Variants in GALNT13 observed in about 807,000 individuals in gnomAD.
GALNT13 encodes polypeptide N-acetylgalactosaminyltransferase 13.
GALNT13 carries 28 observed loss-of-function variants against 64.2 expected under a neutral mutation model. That is an observed-to-expected ratio of 0.44 (90% CI 0.32 to 0.60). The LOEUF (loss-of-function observed/expected upper bound fraction) is 0.60, where lower values mean the gene tolerates loss of function less well. Ranked by LOEUF, GALNT13 falls within the 20% of genes least tolerant of loss-of-function variation. The pLI, the probability that GALNT13 is intolerant of heterozygous loss-of-function variation, is 0.05. For missense variants in GALNT13, 577 were observed against 669.8 expected (o/e 0.86, Z 1.53); for synonymous variants, 214 against 224.6 (o/e 0.95, Z 0.42).
chr2:153,365,946 G>A, the GALNT13 span, among the ~76,000 whole-genome samples: 1,656 of 152,208 alleles, frequency 0.011, 36 homozygotes, highest in East Asian at 0.079. Flanking sequence ...GCACTCATAC[G>A]TTGATTGCAG....
At chr2:153,625,466 T>A in the GALNT13 span, among the ~76,000 whole-genome samples, 1 of 152,056 alleles carries the variant, frequency 6.6e-6, no homozygotes, top group Non-Finnish European at 1.5e-5. Flanking sequence ...GGGCTCCTAT[T>A]ATTGACAGAG....
chr2:153,431,715 A>T, the GALNT13 span, among the ~76,000 whole-genome samples: 1 of 152,186 alleles, frequency 6.6e-6, no homozygotes, highest in Non-Finnish European at 1.5e-5. Context: ...AATGATGGAG[A>T]GGGTTTGCCT....
chr2:154,003,150 A>C (rs1696026064), intron 3 of GALNT13, among the ~76,000 whole-genome samples: 1 of 152,144 alleles, frequency 6.6e-6, no homozygotes. Flanking sequence ...CAGAGCAGAT[A>C]CCAAGATTTT....
intron 2 of GALNT13, among the ~76,000 whole-genome samples, chr2:153,917,419 CCTT>C (rs1235667978): frequency 6.6e-6 from 1 of 151,922 alleles, no homozygotes; most frequent in East Asian, 1.9e-4. Context: ...CCATCAATAA[CCTT>C]CTGGTTTTTA....
the GALNT13 span, among the ~76,000 whole-genome samples, chr2:153,854,808 G>A: frequency 3.9e-5 from 6 of 152,026 alleles, no homozygotes; most frequent in Non-Finnish European, 8.8e-5. Flanking sequence ...CTAACACGCT[G>A]CCTCTAAAAT....
At chr2:153,999,585 T>G (rs1695760052) in intron 3 of GALNT13, among the ~76,000 whole-genome samples, 2 of 152,146 alleles carry the variant, frequency 1.3e-5, no homozygotes. Context: ...ATGATTCTTC[T>G]GTCCTTGATT....
chr2:153,142,620 A>AAGAG, the GALNT13 span, among the ~76,000 whole-genome samples: 2 of 151,316 alleles, frequency 1.3e-5, no homozygotes, highest in South Asian at 4.2e-4. Context: ...GAGCAAGAGC[A>AAGAG]AGAGAGAGAG....
intron 1 of GALNT13, among the ~76,000 whole-genome samples, chr2:153,898,486 G>A (rs1688023626): frequency 6.6e-6 from 1 of 152,056 alleles, no homozygotes; most frequent in Non-Finnish European, 1.5e-5. Context: ...TTAAATTGAA[G>A]TGTTTAATGT....
chr2:153,655,584 A>G, the GALNT13 span, among the ~76,000 whole-genome samples: 1 of 152,154 alleles, frequency 6.6e-6, no homozygotes, highest in Non-Finnish European at 1.5e-5. Context: ...TATCAAGAAG[A>G]ATGGTTCACA....
the GALNT13 span, among the ~76,000 whole-genome samples, chr2:153,851,701 AAAG>A: frequency 0.02 from 3,054 of 152,076 alleles, 59 homozygotes; most frequent in Middle Eastern, 0.058. Context: ...TGTCTCAAAG[AAAG>A]AAGAACAACA....
chr2:153,808,505 T>G, the GALNT13 span, among the ~76,000 whole-genome samples: 2 of 152,118 alleles, frequency 1.3e-5, no homozygotes, highest in African/African-American at 4.8e-5. Context: ...CTCCCCTCGG[T>G]TTTTAACTAT....
intron 9 of GALNT13, among the ~76,000 whole-genome samples, chr2:154,307,843 A>G (rs1032768770): frequency 6.6e-6 from 1 of 152,202 alleles, no homozygotes; most frequent in African/African-American, 2.4e-5. Flanking sequence ...AGAATACCAC[A>G]TTATAAAAAG....
At position 154,403,641 on chromosome 2, in the gene GALNT13, C is replaced by T. The variant is rs181592215; in HGVS notation, c.1297-5343C>T. 6.6e-5 allele frequency among the ~76,000 whole-genome samples: 10 copies of T among 152,292 alleles called. No individual in the cohort carries two copies. In the East Asian group the frequency reaches 1.9e-3, roughly 29 times the overall value. ...AATTATTTGCCTGACCTCAGCTCATCAGGATGGCACTAAGCATAAAGAATA... is the reference window on the plus strand; with the variant it reads ...AATTATTTGCCTGACCTCAGCTCATTAGGATGGCACTAAGCATAAAGAATA... On this transcript the variant is annotated intron_variant, in intron 10 of 12. Coordinates refer to ENST00000392825, the MANE Select transcript of GALNT13 (RefSeq NM_052917.4).
rs139017079 is a variant in GALNT13 at position 153,991,727 on chromosome 2, G to C, written c.142+47088G>C. Among the ~76,000 whole-genome samples the C allele has an allele frequency of 3.3e-3, 500 of 152,220 alleles. 2 individuals carry two copies. The highest frequency in any genetic ancestry group is 0.012 in the African/African-American group (488 of 41,532). ...TGAAATGGTTAAAGGGGATAGGCTT[G>C]ACTATATTTAATTCTCATTTCTGCC... On this transcript the variant is annotated intron_variant, in intron 3 of 12. Transcript: ENST00000392825.
chr2:153,363,625 G>C, the GALNT13 span, among the ~76,000 whole-genome samples: 31 of 152,226 alleles, frequency 2.0e-4, no homozygotes, highest in East Asian at 5.8e-3. Flanking sequence ...AAATAAACTA[G>C]AAAATCTAGA....
At chr2:153,631,043 G>A in the GALNT13 span, among the ~76,000 whole-genome samples, 2 of 151,204 alleles carry the variant, frequency 1.3e-5, no homozygotes, top group Non-Finnish European at 2.9e-5. Flanking sequence ...TCCCATCTAT[G>A]AGTGAGAATA....
At chr2:153,905,374 GT>G (rs534629246) in intron 2 of GALNT13, among the ~76,000 whole-genome samples, 1 of 151,896 alleles carries the variant, frequency 6.6e-6, no homozygotes, top group Non-Finnish European at 1.5e-5. Context: ...ATAGACTATG[GT>G]TTTTTCTATA....
At chr2:153,656,317 AGTGT>A in the GALNT13 span, among the ~76,000 whole-genome samples, 249 of 149,446 alleles carry the variant, frequency 1.7e-3, 1 homozygote, top group African/African-American at 4.8e-3. Context: ...GACTTAAAGA[AGTGT>A]GTGTGTGTGT....
At chr2:153,179,120 T>C in the GALNT13 span, among the ~76,000 whole-genome samples, 19 of 152,356 alleles carry the variant, frequency 1.2e-4, no homozygotes, top group East Asian at 1.9e-3. Context: ...CCCAGACCAA[T>C]GTCACATAGT....
Sources: allele counts gnomAD v4.1 joint callset (sites outside exome capture counted in the v4.1 genomes callset), GRCh38; gene constraint gnomAD v4.1.1; transcripts MANE v1.5; gene names NCBI Gene and HGNC (gene_info 2026-07-23, HGNC 2026-07-21).